Variants in CCNB3 observed in about 807,000 individuals in gnomAD.
CCNB3 encodes the protein cyclin B3.
CCNB3 carries 12 observed loss-of-function variants against 68.0 expected under a neutral mutation model. The ratio of observed to expected loss-of-function variants is 0.18; its 90% CI spans 0.11 to 0.29. The LOEUF is 0.29. Ranked by LOEUF, CCNB3 falls within the 10% of genes least tolerant of loss-of-function variation. The probability of loss-of-function intolerance (pLI) is 1.00; values close to 1 mark genes in which losing one functional copy is unlikely to be tolerated. For missense variants in CCNB3, 904 were observed against 993.1 expected (o/e 0.91, Z 1.21); for synonymous variants, 354 against 388.9 (o/e 0.91, Z 1.06).
At chrX:50,288,963 A>G in intron 4 of CCNB3, 76 bp downstream of exon 4, 1 of 626,408 alleles carries the variant, frequency 1.6e-6, no homozygotes, top group East Asian at 3.6e-5. Context: ...GGACCTTTCC[A>G]CTTTACCAGA....
chrX:50,288,158 G>A (rs1429887139), intron 3 of CCNB3, among the ~76,000 whole-genome samples: 1 of 108,391 alleles, frequency 9.2e-6, no homozygotes, highest in Non-Finnish European at 1.9e-5. Context: ...AATAATAAAT[G>A]TGCACAATAA....
intron 8 of CCNB3, among the ~76,000 whole-genome samples, chrX:50,314,840 T>C (rs1294720884): frequency 7.2e-5 from 8 of 111,291 alleles, no homozygotes; most frequent in Non-Finnish European, 1.9e-5. Context: ...GTGACTGCCA[T>C]TGGACTTTGT....
chrX:50,339,210 T>A (rs1923001358), intron 8 of CCNB3, among the ~76,000 whole-genome samples: 1 of 112,065 alleles, frequency 8.9e-6, no homozygotes, highest in African/African-American at 3.2e-5. Context: ...CATAGCTTGG[T>A]TTTATGCATT....
intron 1 of CCNB3, among the ~76,000 whole-genome samples, chrX:50,281,404 C>T (rs1438227229): frequency 1.8e-5 from 2 of 109,869 alleles, no homozygotes; most frequent in African/African-American, 6.6e-5. Context: ...AGGGGTGCGT[C>T]GATGGTCTTT....
At chrX:50,227,416 T>A (rs1241813029) in intron 1 of CCNB3, among the ~76,000 whole-genome samples, 1 of 87,650 alleles carries the variant, frequency 1.1e-5, no homozygotes, top group African/African-American at 4.2e-5. Context: ...ATACAGAGAA[T>A]ATTTATAAAT....
intron 1 of CCNB3, among the ~76,000 whole-genome samples, chrX:50,216,978 G>GT (rs1935582245): frequency 9.0e-6 from 1 of 110,606 alleles, no homozygotes. Flanking sequence ...TGATATTACT[G>GT]TTTTTAACAT....
At chrX:50,228,132 A>G (rs1935951058) in intron 1 of CCNB3, among the ~76,000 whole-genome samples, 1 of 90,375 alleles carries the variant, frequency 1.1e-5, no homozygotes, top group Non-Finnish European at 2.1e-5. Context: ...ATATGAATAT[A>G]TACATAATAT....
Position 50,323,493 on chromosome X carries a change from C to T in CCNB3, c.3516+9545C>T, listed in dbSNP as rs1463248074. On this transcript the variant is annotated intron_variant, in intron 8 of 12. Transcript: ENST00000376042. ...ATGATGAGTTAATGGGTGCAGCACA[C>T]CAACATGGCACATGTATACATATGT... is the stretch of plus-strand genomic sequence containing the variant. Among the ~76,000 whole-genome samples, 8 of 110,259 alleles carry T rather than the reference C, an allele frequency of 7.3e-5. No individual in the cohort carries two copies. In the East Asian group the frequency reaches 1.4e-3, roughly 20 times the overall value.
intron 1 of CCNB3, among the ~76,000 whole-genome samples, chrX:50,211,683 T>C (rs1408066465): frequency 2.7e-5 from 3 of 111,273 alleles, no homozygotes; most frequent in African/African-American, 9.8e-5. Context: ...CAAGTCAGGA[T>C]GATGAATCGG....
At chrX:50,347,354 G>A (rs1923455272) in intron 10 of CCNB3, among the ~76,000 whole-genome samples, 1 of 110,142 alleles carries the variant, frequency 9.1e-6, no homozygotes, top group Admixed American at 9.7e-5. Context: ...GACCCATATA[G>A]CAAGGGGGGA....
rs111620309 is a variant in CCNB3, at chrX:50,303,058, C to T, written c.336-5447C>T. 5.5e-3 allele frequency among the ~76,000 whole-genome samples: 607 copies of T among 111,061 alleles called. 2 individuals are homozygous for T. Among genetic ancestry groups the T allele is most frequent in the Non-Finnish European group, 9.1e-3 (481 of 52,886 alleles). On this transcript the variant is annotated intron_variant, in intron 5 of 12. Coordinates refer to ENST00000376042, the MANE Select transcript of CCNB3 (RefSeq NM_033031.3). Reference sequence around the variant, plus strand: ...GCCAAGCTGTATTCCATAGTGGCTACGCCATTTTACATTTCCTCCAGCAGT... The same window carrying T: ...GCCAAGCTGTATTCCATAGTGGCTATGCCATTTTACATTTCCTCCAGCAGT...
At chrX:50,320,392 G>C (rs1921954297) in intron 8 of CCNB3, among the ~76,000 whole-genome samples, 4 of 110,511 alleles carry the variant, frequency 3.6e-5, no homozygotes, top group African/African-American at 1.3e-4. Flanking sequence ...CGTCTAAGCT[G>C]TCAAATTTAT....
chrX:50,226,222 A>G (rs1935773680), intron 1 of CCNB3, among the ~76,000 whole-genome samples: 1 of 69,516 alleles, frequency 1.4e-5, no homozygotes, highest in Admixed American at 2.4e-4. Flanking sequence ...TTATATATAT[A>G]GAATATATAT....
At chrX:50,340,872 A>C (rs910954171) in intron 8 of CCNB3, among the ~76,000 whole-genome samples, 1 of 111,866 alleles carries the variant, frequency 8.9e-6, no homozygotes. Flanking sequence ...GTACAAATAC[A>C]TGGACATTAA....
intron 1 of CCNB3, among the ~76,000 whole-genome samples, chrX:50,211,722 A>G (rs1454401307): frequency 6.3e-5 from 7 of 111,370 alleles, no homozygotes; most frequent in East Asian, 2.8e-4. Context: ...CCACTAGGAG[A>G]TCGCAGCTGT....
chrX:50,328,589 T>C (rs1284764547), intron 8 of CCNB3, among the ~76,000 whole-genome samples: 1 of 111,645 alleles, frequency 9.0e-6, no homozygotes, highest in Non-Finnish European at 1.9e-5. Context: ...CAATTCACCA[T>C]GAAATTTAGA....
intron 1 of CCNB3, among the ~76,000 whole-genome samples, chrX:50,208,123 G>A (rs1402501254): frequency 1.8e-5 from 2 of 112,221 alleles, no homozygotes; most frequent in Non-Finnish European, 3.8e-5. Flanking sequence ...AGAATCAGTG[G>A]CAAGGGTTTT....
rs1214016867 is a variant in CCNB3, at chrX:50,351,812, A to G, written c.*109A>G. On this transcript the variant is annotated 3_prime_UTR_variant, in exon 13 of 13. Coordinates refer to ENST00000376042, the MANE Select transcript of CCNB3 (RefSeq NM_033031.3). ...TTTTCCTTTCTTTGTCTTTTCCCAA[A>G]CTGATAATGTTATAAATATTTATGT... 2.0e-6 allele frequency: 1 copy of G among 505,071 alleles called. No homozygotes were observed. Among genetic ancestry groups the G allele is most frequent in the East Asian group, 3.8e-5 (1 of 26,229 alleles). 41.6% of individuals were successfully genotyped at this position (505,071 alleles called of 1,213,427 possible). A position where few individuals can be genotyped will look rare whatever the true frequency, so the allele number is the denominator to read the frequency against.
At chrX:50,213,866 T>TA (rs1203133657) in intron 1 of CCNB3, among the ~76,000 whole-genome samples, 2 of 111,301 alleles carry the variant, frequency 1.8e-5, no homozygotes, top group Admixed American at 9.7e-5. Context: ...TTATTTCTTT[T>TA]AAAAAAACTT....
Sources: gnomAD v4.1 joint callset for allele counts (sites outside exome capture counted in the v4.1 genomes callset) on GRCh38, gnomAD v4.1.1 for gene constraint, MANE v1.5 for transcripts, NCBI Gene and HGNC (gene_info 2026-07-23, HGNC 2026-07-21) for gene names.